PTPRD: variants seen among roughly 807,000 people sequenced by gnomAD.
PTPRD encodes the protein protein tyrosine phosphatase receptor type D.
Under a neutral mutation model 214.5 loss-of-function variants are expected in PTPRD, and 34 were observed. The observed-to-expected ratio is 0.16, with a 90% confidence interval of 0.12 to 0.21. The LOEUF (loss-of-function observed/expected upper bound fraction) is 0.21, where lower values mean the gene tolerates loss of function less well. Among genes scored for constraint, PTPRD ranks in the 10% least tolerant of loss-of-function variants. The probability of loss-of-function intolerance (pLI) is 1.00; values close to 1 mark genes in which losing one functional copy is unlikely to be tolerated. For synonymous variants in PTPRD, 1,128 were observed against 845.7 expected (o/e 1.33, Z -5.79); for missense variants, 2,545 against 2,398.7 (o/e 1.06, Z -1.27).
At chr9:9,289,172 A>G (rs1240060580) in intron 9 of PTPRD, among the ~76,000 whole-genome samples, 1 of 151,850 alleles carries the variant, frequency 6.6e-6, no homozygotes, top group African/African-American at 2.4e-5. Context: ...TAATTTCTAA[A>G]TGGTAGGTAT....
intron 14 of PTPRD, among the ~76,000 whole-genome samples, chr9:8,568,843 T>G (rs192103822): frequency 9.3e-4 from 141 of 152,172 alleles, no homozygotes; most frequent in African/African-American, 3.3e-3. Context: ...GTCTTCTAAG[T>G]TCTCGGTGCT....
At chr9:9,762,972 C>G (rs1029895754) in intron 6 of PTPRD, among the ~76,000 whole-genome samples, 1 of 152,160 alleles carries the variant, frequency 6.6e-6, no homozygotes, top group Admixed American at 6.5e-5. Flanking sequence ...CTTCTCTTGG[C>G]TTGTTGGTGG....
chr9:9,453,811 G>A (rs150927103), intron 8 of PTPRD, among the ~76,000 whole-genome samples: 18 of 151,742 alleles, frequency 1.2e-4, no homozygotes, highest in African/African-American at 4.3e-4. Flanking sequence ...AAGCCCATAA[G>A]GAGATATAAG....
chr9:10,195,879 T>A (rs75714833), intron 3 of PTPRD, among the ~76,000 whole-genome samples: 2 of 152,252 alleles, frequency 1.3e-5, no homozygotes, highest in East Asian at 3.9e-4. Context: ...AACACTATGT[T>A]AAGTAAAAGT....
intron 6 of PTPRD, among the ~76,000 whole-genome samples, chr9:9,738,694 G>A (rs1280054762): frequency 3.3e-5 from 5 of 151,746 alleles, no homozygotes; most frequent in African/African-American, 4.8e-5. Flanking sequence ...TGCCTGCCTC[G>A]GCCTCCCAAA....
intron 35 of PTPRD, among the ~76,000 whole-genome samples, chr9:8,414,668 C>T (rs1463171642): frequency 6.6e-6 from 1 of 151,818 alleles, no homozygotes; most frequent in Non-Finnish European, 1.5e-5. Context: ...CACCTACTGT[C>T]CCAGCGTAGT....
chr9:9,854,832 C>G (rs186728600), intron 5 of PTPRD, among the ~76,000 whole-genome samples: 2 of 152,198 alleles, frequency 1.3e-5, no homozygotes, highest in Non-Finnish European at 2.9e-5. Context: ...GTACCTTTTG[C>G]TATAACTATG....
chr9:9,893,105 C>T (rs189467533), intron 5 of PTPRD, among the ~76,000 whole-genome samples: 8 of 152,120 alleles, frequency 5.3e-5, no homozygotes, highest in Non-Finnish European at 4.4e-5. Flanking sequence ...CTGAGATATA[C>T]ATTTGGAGAA....
intron 7 of PTPRD, among the ~76,000 whole-genome samples, chr9:9,728,535 G>C (rs1405972680): frequency 5.9e-5 from 9 of 152,088 alleles, no homozygotes; most frequent in African/African-American, 1.9e-4. Context: ...AAATAGCAGA[G>C]GGAGACTTCC....
intron 14 of PTPRD, among the ~76,000 whole-genome samples, chr9:8,576,901 G>T (rs866035663): frequency 6.6e-6 from 1 of 152,110 alleles, no homozygotes; most frequent in Non-Finnish European, 1.5e-5. Context: ...GAGTTACTGT[G>T]TATCTCTTCT....
At chr9:9,200,622 A>T (rs890976640) in intron 9 of PTPRD, among the ~76,000 whole-genome samples, 1 of 152,194 alleles carries the variant, frequency 6.6e-6, no homozygotes, top group African/African-American at 2.4e-5. Context: ...TGCAGATTTC[A>T]TTGATTTTTT....
intron 10 of PTPRD, among the ~76,000 whole-genome samples, chr9:9,176,831 C>G (rs965921406): frequency 9.2e-5 from 14 of 152,064 alleles, no homozygotes; most frequent in African/African-American, 3.4e-4. Flanking sequence ...AACCATGAGT[C>G]AAATAAACTT....
Position 10,578,385 on chromosome 9 carries a change from T to C in PTPRD, c.-600+34013A>G, listed in dbSNP as rs1221487084. Among the ~76,000 whole-genome samples the C allele has an allele frequency of 3.9e-5, 6 of 152,222 alleles. No individual in the cohort carries two copies. The Middle Eastern group carries it at 0.01, about 259-fold the overall frequency. On this transcript the variant is annotated intron_variant, in intron 2 of 45. Coordinates refer to ENST00000381196, the MANE Select transcript of PTPRD (RefSeq NM_002839.4). ...AAAATTATATATATTATCTGAATAGTTATGTTCAGTTTTAAATACCTTTAT... is the reference window on the plus strand; with the variant it reads ...AAAATTATATATATTATCTGAATAGCTATGTTCAGTTTTAAATACCTTTAT...
chr9:8,855,374 T>G (rs1210840871), intron 11 of PTPRD, among the ~76,000 whole-genome samples: 1 of 152,170 alleles, frequency 6.6e-6, no homozygotes, highest in Non-Finnish European at 1.5e-5. Context: ...TTATCTACTC[T>G]AACGCACATA....
intron 9 of PTPRD, among the ~76,000 whole-genome samples, chr9:9,284,331 C>G: frequency 6.6e-6 from 1 of 151,498 alleles, no homozygotes; most frequent in East Asian, 2.0e-4. Flanking sequence ...ACTTTAAAAC[C>G]TTTTGATCCT....
At chr9:9,757,103 T>G (rs1231010449) in intron 6 of PTPRD, among the ~76,000 whole-genome samples, 1 of 152,180 alleles carries the variant, frequency 6.6e-6, no homozygotes, top group Non-Finnish European at 1.5e-5. Context: ...TCACAGGAAT[T>G]CAGGCCCTAT....
chr9:9,889,695 G>T (rs1285321354), intron 5 of PTPRD, among the ~76,000 whole-genome samples: 1 of 152,080 alleles, frequency 6.6e-6, no homozygotes, highest in East Asian at 1.9e-4. Context: ...TATATTAAGC[G>T]AGCTATGTCC....
At chr9:8,909,213 A>C (rs2154259293) in intron 11 of PTPRD, among the ~76,000 whole-genome samples, 1 of 152,134 alleles carries the variant, frequency 6.6e-6, no homozygotes, top group African/African-American at 2.4e-5. Flanking sequence ...TTTTTACATA[A>C]ACTCCTTCAG....
At chr9:10,103,621 C>T (rs1006200195) in intron 3 of PTPRD, among the ~76,000 whole-genome samples, 1 of 151,248 alleles carries the variant, frequency 6.6e-6, no homozygotes, top group Non-Finnish European at 1.5e-5. Context: ...TTTTGAGACT[C>T]AGTGTGAAGG....
Sources: allele counts gnomAD v4.1 joint callset (sites outside exome capture counted in the v4.1 genomes callset), GRCh38; gene constraint gnomAD v4.1.1; transcripts MANE v1.5; gene names NCBI Gene and HGNC (gene_info 2026-07-23, HGNC 2026-07-21).